The following ZNF479 variants were observed in gnomAD, a reference collection of about 807,000 sequenced individuals.
ZNF479 encodes the protein KRAB zinc finger protein KR19.
Under a neutral mutation model 14.7 loss-of-function variants are expected in ZNF479, and 15 were observed. The ratio of observed to expected loss-of-function variants is 1.02; its 90% CI spans 0.68 to 1.57. The LOEUF (loss-of-function observed/expected upper bound fraction) is 1.57, where lower values mean the gene tolerates loss of function less well. ZNF479 is among the 40% of genes most tolerant of loss of function. The pLI, the probability that ZNF479 is intolerant of heterozygous loss-of-function variation, is 0.00. For missense variants in ZNF479, 506 were observed against 615.1 expected (o/e 0.82, Z 1.88); for synonymous variants, 145 against 211.5 (o/e 0.69, Z 2.73).
rs1785771308 is a variant in ZNF479 at position 57,118,436 on chromosome 7, A to G, written c.*1404T>C. On this transcript the variant is annotated 3_prime_UTR_variant, in exon 4 of 4. Transcript: ENST00000319636. ...ACCCAGGCTGTAGTGTAGTGGCTCT[A>G]TCTCAGCTCACTGCAACCTCTGCCT... Among the ~76,000 whole-genome samples the G allele has an allele frequency of 6.6e-6, 1 of 152,120 alleles. No homozygotes were observed. Among genetic ancestry groups the G allele is most frequent in the Non-Finnish European group, 1.5e-5 (1 of 68,026 alleles).
upstream of ZNF479, among the ~76,000 whole-genome samples, chr7:57,136,432 C>T (rs146681863): frequency 6.8e-6 from 1 of 146,440 alleles, no homozygotes; most frequent in East Asian, 1.9e-4. Flanking sequence ...CTGAAACAAA[C>T]AACAACAACA....
chr7:57,118,844 T>C lies in ZNF479; in HGVS notation c.*996A>G, dbSNP rs1244812696. On this transcript the variant is annotated 3_prime_UTR_variant, in exon 4 of 4. Coordinates refer to ENST00000319636, the MANE Select transcript of ZNF479 (RefSeq NM_001370129.2). The stretch of plus-strand genomic sequence containing the variant: ...ATTCTTCATATTTGTAGGAGTCTTC[T>C]TCAGTATAAACTATCTTACCTACCA... Among the ~76,000 whole-genome samples the C allele has an allele frequency of 7.2e-6, 1 of 138,688 alleles. No homozygotes were observed. The highest frequency in any genetic ancestry group is 2.4e-5 in the African/African-American group (1 of 40,846). The allele number at this position is 138,688 out of a possible 152,430, so 91.0% of individuals were successfully genotyped here.
chr7:57,136,093 C>T (rs1286966090), upstream of ZNF479, among the ~76,000 whole-genome samples: 6 of 151,088 alleles, frequency 4.0e-5, no homozygotes, highest in Non-Finnish European at 7.4e-5. Flanking sequence ...GTCAGAAGTC[C>T]CTGAAACAGG....
Position 57,120,365 on chromosome 7 carries a change from C to A in ZNF479, c.1050G>T (p.Glu350Asp), listed in dbSNP as rs1222329571. The A allele has an allele frequency of 3.7e-6, 6 of 1,613,534 alleles. No homozygotes were observed. Among genetic ancestry groups the A allele is most frequent in the Non-Finnish European group, 4.2e-6 (5 of 1,179,782 alleles). ...LTRHKRIHTR[E>D]KPYACEECGQ... ...CACATTCTTCACAGGCATAGGGTTTCTCTCTAGTATGAATTCTCTTATGTC... is the reference window on the plus strand; with the variant it reads ...CACATTCTTCACAGGCATAGGGTTTATCTCTAGTATGAATTCTCTTATGTC... The change falls in exon 4 of 4, where the codon GAG becomes GAT. Residue 350 changes from glutamate (E) to aspartate (D), a missense_variant. Physicochemically the swap from Glu to Asp is conservative, Grantham distance 45. Around this residue, in one of 3 missense-constraint regions of ZNF479, gnomAD observed 420 missense variants for 474.2 expected, o/e 0.89. Transcript: ENST00000319636.
At chr7:57,125,641 C>T (rs901749344) in intron 3 of ZNF479, among the ~76,000 whole-genome samples, 13 of 149,732 alleles carry the variant, frequency 8.7e-5, no homozygotes, top group African/African-American at 3.2e-4. Context: ...AACTACTATT[C>T]TCACACATTT....
intron 1 of ZNF479, among the ~76,000 whole-genome samples, chr7:57,131,653 T>G (rs4639463): frequency 0.28 from 40,810 of 148,032 alleles, 6,705 homozygotes; most frequent in East Asian, 0.52. Context: ...AACCACAGAC[T>G]GCCAATTAAT....
In ZNF479 at chr7:57,118,655, C is replaced by A. The variant is rs1257357120; in HGVS notation, c.*1185G>T. 1.3e-5 allele frequency among the ~76,000 whole-genome samples: 2 copies of A among 152,148 alleles called. No homozygotes were observed. The highest frequency in any genetic ancestry group is 6.6e-5 in the Admixed American group (1 of 15,260). ...AAAGTGCTGGAATTATAGGCATGAG[C>A]CAACACACCTGACCTATAATCCCTT... On this transcript the variant is annotated 3_prime_UTR_variant, in exon 4 of 4. Transcript: ENST00000319636.
chr7:57,119,589 A>T lies in ZNF479; in HGVS notation c.*251T>A, dbSNP rs1456712668. ...GACACTGCACTCCAGCCTGGGTGAC[A>T]CAGGGAGACTCCAACTCAAAAAAAT... On this transcript the variant is annotated 3_prime_UTR_variant, in exon 4 of 4. Transcript: ENST00000319636. 4.7e-6 allele frequency: 2 copies of T among 424,748 alleles called. No individual in the cohort carries two copies. Among genetic ancestry groups the T allele is most frequent in the Non-Finnish European group, 8.7e-6 (2 of 230,642 alleles). 26.3% of individuals were successfully genotyped at this position (424,748 alleles called of 1,614,324 possible). A position where few individuals can be genotyped will look rare whatever the true frequency, so the allele number is the denominator to read the frequency against.
In ZNF479 at chr7:57,119,154, T is replaced by G. The variant is rs1785793242; in HGVS notation, c.*686A>C. The stretch of plus-strand genomic sequence containing the variant: ...AGGACTTTTTAAAGACATTACCATA[T>G]TCCTTATTGTAGGGTTTCTCTTCAG... On this transcript the variant is annotated 3_prime_UTR_variant, in exon 4 of 4. Coordinates refer to ENST00000319636, the MANE Select transcript of ZNF479 (RefSeq NM_001370129.2). Among the ~76,000 whole-genome samples the G allele has an allele frequency of 6.6e-6, 1 of 152,220 alleles. No homozygotes were observed. The highest frequency in any genetic ancestry group is 2.1e-4 in the South Asian group (1 of 4,834).
intron 3 of ZNF479, among the ~76,000 whole-genome samples, chr7:57,123,200 C>G (rs1235644971): frequency 1.3e-5 from 2 of 152,090 alleles, no homozygotes; most frequent in Admixed American, 6.5e-5. Context: ...AAAGAAGAAC[C>G]AAACATGTCA....
Position 57,138,288 on chromosome 7 carries a change from A to G in ZNF479, c.-15+1320T>C, listed in dbSNP as rs1037339719. Among the ~76,000 whole-genome samples the G allele has an allele frequency of 4.6e-5, 7 of 152,196 alleles. No individual in the cohort carries two copies. The East Asian group carries it at 1.2e-3, about 25-fold the overall frequency. ...TGATCTGGGTCTTCTACATGTAGAA[A>G]GATCACACAATATATCACACTCATG... On this transcript the variant is annotated intron_variant, in intron 1 of 4. Transcript: ENST00000331162.
At chr7:57,137,858 A>G (rs1308874846) in intron 1 of ZNF479, among the ~76,000 whole-genome samples, 14 of 152,262 alleles carry the variant, frequency 9.2e-5, no homozygotes, top group Admixed American at 4.6e-4. Context: ...GCCAGTCCGC[A>G]GGGGTTACTG....
upstream of ZNF479, among the ~76,000 whole-genome samples, chr7:57,136,042 G>A (rs911868123): frequency 2.0e-5 from 3 of 146,598 alleles, no homozygotes; most frequent in Admixed American, 6.9e-5. Flanking sequence ...CTGTTACTCT[G>A]GGCCACCATC....
At chr7:57,126,796 A>G (rs1010817146) in intron 1 of ZNF479, 78 bp from the exon 2 acceptor site, 2 of 1,550,216 alleles carry the variant, frequency 1.3e-6, no homozygotes, top group African/African-American at 2.8e-5. Flanking sequence ...TTTTTATTTG[A>G]CTCAAGTTAA....
intron 1 of ZNF479, among the ~76,000 whole-genome samples, chr7:57,129,403 A>G (rs1315043494): frequency 6.6e-6 from 1 of 152,198 alleles, no homozygotes; most frequent in African/African-American, 2.4e-5. Flanking sequence ...TCGCAGACAC[A>G]TTATTAGCAT....
chr7:57,137,144 T>C (rs1418193098), upstream of ZNF479, among the ~76,000 whole-genome samples: 1 of 152,098 alleles, frequency 6.6e-6, no homozygotes, highest in Non-Finnish European at 1.5e-5. Flanking sequence ...AAAAAGAGCA[T>C]CATGGTTAAA....
upstream of ZNF479, among the ~76,000 whole-genome samples, chr7:57,132,755 T>G (rs533857876): frequency 3.3e-5 from 5 of 152,348 alleles, no homozygotes; most frequent in Non-Finnish European, 7.3e-5. Flanking sequence ...ACAATTATTT[T>G]AAAATGTAGG....
Position 57,120,271 on chromosome 7 carries a change from T to C in ZNF479, c.1144A>G (p.Thr382Ala). 6.2e-7 allele frequency: 1 copy of C among 1,612,200 alleles called. No individual in the cohort carries two copies. Among genetic ancestry groups the C allele is most frequent in the Non-Finnish European group, 8.5e-7 (1 of 1,179,560 alleles). Residue 382 changes from threonine to alanine, a missense_variant, in exon 4 of 4, where the codon ACA becomes GCA. Physicochemically the swap from Thr to Ala is moderately conservative, Grantham distance 58. Around this residue, in one of 3 missense-constraint regions of ZNF479, gnomAD observed 420 missense variants for 474.2 expected, o/e 0.89. Coordinates refer to ENST00000319636, the MANE Select transcript of ZNF479 (RefSeq NM_001370129.2). The part of the protein sequence containing the change: ...RRIHTGEKPY[T>A]CEECGQDFRR... Reference sequence around the variant, plus strand: ...AAGTCTTGGCCACATTCTTCACATGTGTAGGGTTTCTCTCCAGTATGAATT... The same window carrying C: ...AAGTCTTGGCCACATTCTTCACATGCGTAGGGTTTCTCTCCAGTATGAATT...
chr7:57,132,678 A>G (rs992593594), upstream of ZNF479, among the ~76,000 whole-genome samples: 1 of 152,156 alleles, frequency 6.6e-6, no homozygotes, highest in African/African-American at 2.4e-5. Context: ...TTTGCATTTA[A>G]CCTTGTGTAT....
Sources: gnomAD v4.1 joint callset for allele counts (sites outside exome capture counted in the v4.1 genomes callset) on GRCh38, gnomAD v4.1.1 for gene constraint, gnomAD v4.1.1 regional missense constraint, MANE v1.5 for transcripts, NCBI Gene and HGNC (gene_info 2026-07-23, HGNC 2026-07-21) for gene names.